UMAD1: variants seen among roughly 807,000 people sequenced by gnomAD.
The protein encoded by UMAD1 is UBAP1-MVB12-associated (UMA) domain containing 1.
A neutral mutation model predicts 6.1 loss-of-function variants in UMAD1; 8 were observed. The observed-to-expected ratio is 1.30, with a 90% CI of 0.76 to 2.35. The LOEUF is 2.35. Among genes scored for constraint, UMAD1 ranks in the 30% most tolerant of loss-of-function variants. UMAD1 has a pLI of 0.00. For synonymous variants in UMAD1, 56 were observed against 31.4 expected (o/e 1.78, Z -2.61); for missense variants, 130 against 78.4 (o/e 1.66, Z -2.49).
At chr7:7,781,435 T>G (rs139211894) in intron 2 of UMAD1, among the ~76,000 whole-genome samples, 5 of 152,182 alleles carry the variant, frequency 3.3e-5, no homozygotes, top group African/African-American at 1.2e-4. Context: ...GGAGATCTTA[T>G]GAAATTGCAT....
intron 2 of UMAD1, among the ~76,000 whole-genome samples, chr7:7,701,571 A>T (rs1165511504): frequency 6.6e-6 from 1 of 152,110 alleles, no homozygotes; most frequent in Non-Finnish European, 1.5e-5. Flanking sequence ...CTTCCCCTCT[A>T]TTTAAATGCT....
intron 3 of UMAD1, among the ~76,000 whole-genome samples, chr7:7,813,278 C>T (rs1190601378): frequency 2.6e-5 from 4 of 152,110 alleles, no homozygotes; most frequent in African/African-American, 9.7e-5. Flanking sequence ...AACCTTGGCT[C>T]ACTGCAACCT....
At chr7:7,714,066 T>A (rs536900003) in intron 2 of UMAD1, among the ~76,000 whole-genome samples, 2 of 152,234 alleles carry the variant, frequency 1.3e-5, no homozygotes, top group African/African-American at 2.4e-5. Flanking sequence ...TTTCCAAAAA[T>A]TGAGTTTTTT....
At chr7:7,874,447 A>ATG (rs1784381364) in intron 3 of UMAD1, among the ~76,000 whole-genome samples, 1 of 152,236 alleles carries the variant, frequency 6.6e-6, no homozygotes. Flanking sequence ...AACAATTTAG[A>ATG]TGAATCTCAT....
intron 2 of UMAD1, among the ~76,000 whole-genome samples, chr7:7,789,628 C>G (rs896584886): frequency 2.0e-5 from 3 of 151,224 alleles, no homozygotes; most frequent in Non-Finnish European, 4.4e-5. Flanking sequence ...CTCCCCTCCC[C>G]ACAGACCCTG....
At chr7:7,723,662 C>T (rs1781089779) in intron 2 of UMAD1, among the ~76,000 whole-genome samples, 2 of 152,166 alleles carry the variant, frequency 1.3e-5, no homozygotes, top group East Asian at 1.9e-4. Flanking sequence ...CTCTGTATGT[C>T]AGAACTAACA....
At chr7:7,669,376 C>T (rs1378622398) in intron 1 of UMAD1, among the ~76,000 whole-genome samples, 3 of 152,144 alleles carry the variant, frequency 2.0e-5, no homozygotes, top group African/African-American at 7.2e-5. Flanking sequence ...CTTGCTGTAC[C>T]CCTCATAGAG....
chr7:7,717,762 T>C (rs1390095206), intron 2 of UMAD1, among the ~76,000 whole-genome samples: 3 of 152,364 alleles, frequency 2.0e-5, no homozygotes, highest in Middle Eastern at 3.4e-3. Flanking sequence ...GTTCAGGAAC[T>C]CTGGCCTGGA....
intron 2 of UMAD1, among the ~76,000 whole-genome samples, chr7:7,690,854 C>T (rs1563126049): frequency 1.3e-5 from 2 of 152,062 alleles, no homozygotes; most frequent in South Asian, 4.1e-4. Flanking sequence ...AAATTTTCAC[C>T]ACAGAAATTC....
chr7:7,778,273 TGTGA>T (rs1266017498), intron 2 of UMAD1, among the ~76,000 whole-genome samples: 959 of 94,710 alleles, frequency 0.01, 4 homozygotes, highest in Non-Finnish European at 0.014. Flanking sequence ...TGTGTGTGTG[TGTGA>T]GAGAGAGAGA....
chr7:7,665,955 C>G (rs1255775658), intron 1 of UMAD1, among the ~76,000 whole-genome samples: 5 of 150,954 alleles, frequency 3.3e-5, no homozygotes, highest in Non-Finnish European at 7.4e-5. Flanking sequence ...TGGGTTGTTT[C>G]CATTTTTTGG....
At chr7:7,757,953 G>A (rs1340088477) in intron 2 of UMAD1, among the ~76,000 whole-genome samples, 2 of 152,106 alleles carry the variant, frequency 1.3e-5, no homozygotes, top group Non-Finnish European at 2.9e-5. Context: ...GAAGTTTTGG[G>A]GTAGGGGTCA....
At chr7:7,875,941 G>A (rs573182116) in intron 3 of UMAD1, among the ~76,000 whole-genome samples, 1 of 152,278 alleles carries the variant, frequency 6.6e-6, no homozygotes, top group Admixed American at 6.5e-5. Flanking sequence ...AGCCAAGCAT[G>A]GTGGCATGCT....
chr7:7,867,918 G>T (rs149207134), intron 3 of UMAD1, among the ~76,000 whole-genome samples: 15 of 152,272 alleles, frequency 9.9e-5, no homozygotes, highest in Admixed American at 3.3e-4. Context: ...CTCTGGGGAA[G>T]GGGTTGGATA....
At chr7:7,764,245 T>C (rs540020192) in intron 2 of UMAD1, among the ~76,000 whole-genome samples, 1 of 152,296 alleles carries the variant, frequency 6.6e-6, no homozygotes, top group African/African-American at 2.4e-5. Context: ...CTCTTACAAA[T>C]GTCAGTGTTA....
At chr7:7,748,603 G>C (rs199524944) in intron 2 of UMAD1, among the ~76,000 whole-genome samples, 1 of 151,982 alleles carries the variant, frequency 6.6e-6, no homozygotes, top group East Asian at 1.9e-4. Context: ...TTCCTGTGGT[G>C]GCACATTAAT....
chr7:7,810,524 A>G (rs570689777), intron 3 of UMAD1, among the ~76,000 whole-genome samples: 9 of 152,282 alleles, frequency 5.9e-5, no homozygotes, highest in Non-Finnish European at 8.8e-5. Flanking sequence ...TAAAAATGCA[A>G]TATACAAAAT....
intron 2 of UMAD1, chr7:7,676,164 T>C (rs1779732732): frequency 2.5e-6 from 1 of 398,516 alleles, no homozygotes; most frequent in Admixed American, 4.4e-5. Flanking sequence ...TCAGACCCTT[T>C]GGGTTGGCTT....
intron 1 of UMAD1, among the ~76,000 whole-genome samples, chr7:7,669,201 A>G (rs1403028120): frequency 2.0e-5 from 3 of 152,104 alleles, no homozygotes; most frequent in Admixed American, 6.6e-5. Flanking sequence ...TCAGGTGTCT[A>G]CTTGGGATCT....
Sources: allele counts gnomAD v4.1 joint callset (sites outside exome capture counted in the v4.1 genomes callset), GRCh38; gene constraint gnomAD v4.1.1; transcripts MANE v1.5; gene names NCBI Gene and HGNC (gene_info 2026-07-23, HGNC 2026-07-21).